Variants in UBE2E2 observed in about 807,000 individuals in gnomAD.
The protein encoded by UBE2E2 is ubiquitin-conjugating enzyme E2 E2.
A neutral mutation model predicts 24.7 loss-of-function variants in UBE2E2; 6 were observed. The ratio of observed to expected loss-of-function variants is 0.24; its 90% confidence interval spans 0.13 to 0.48. The LOEUF (loss-of-function observed/expected upper bound fraction) is 0.48, where lower values mean the gene tolerates loss of function less well. Ranked by LOEUF, UBE2E2 falls within the 20% of genes least tolerant of loss-of-function variation. The pLI, the probability that UBE2E2 is intolerant of heterozygous loss-of-function variation, is 0.99. For synonymous variants in UBE2E2, 104 were observed against 83.6 expected, an observed-to-expected ratio of 1.24 and a Z score of -1.33; for missense variants, 169 against 245.0, an observed-to-expected ratio of 0.69 and a Z score of 2.07.
chr3:23,488,975 A>T (rs191666530), intron 3 of UBE2E2, among the ~76,000 whole-genome samples: 1 of 152,288 alleles, frequency 6.6e-6, no homozygotes, highest in Non-Finnish European at 1.5e-5. Context: ...TGCTCATCTT[A>T]ATCTCTGGTG....
At chr3:23,217,446 G>A in intron 3 of UBE2E2, 134 bp downstream of exon 3, 2 of 800,996 alleles carry the variant, frequency 2.5e-6, no homozygotes, top group Non-Finnish European at 4.1e-6. Flanking sequence ...TTAAGTGACT[G>A]TGGAAGACAA....
chr3:23,462,557 TC>T (rs1322857002), intron 3 of UBE2E2, among the ~76,000 whole-genome samples: 4 of 152,060 alleles, frequency 2.6e-5, no homozygotes, highest in Admixed American at 2.6e-4. Context: ...CTTTCCCTAC[TC>T]CTCTTTGCTA....
At chr3:23,533,864 G>A (rs565467372) in intron 5 of UBE2E2, among the ~76,000 whole-genome samples, 5 of 151,892 alleles carry the variant, frequency 3.3e-5, no homozygotes, top group East Asian at 1.9e-4. Context: ...CTTGTGATCC[G>A]CCCGCTTTGG....
At chr3:23,462,010 A>G (rs1489713029) in intron 3 of UBE2E2, among the ~76,000 whole-genome samples, 3 of 152,142 alleles carry the variant, frequency 2.0e-5, no homozygotes, top group Non-Finnish European at 4.4e-5. Context: ...AGCTAAAGTG[A>G]TTTGTCATAA....
intron 3 of UBE2E2, among the ~76,000 whole-genome samples, chr3:23,255,187 G>A (rs114598661): frequency 9.0e-4 from 130 of 145,012 alleles, no homozygotes; most frequent in African/African-American, 3.2e-3. Context: ...ATGCTCAAGC[G>A]ACCCTCCCAC....
At chr3:23,294,856 A>C (rs186832617) in intron 3 of UBE2E2, among the ~76,000 whole-genome samples, 72 of 123,630 alleles carry the variant, frequency 5.8e-4, no homozygotes, top group African/African-American at 2.0e-3. Context: ...CAGATTTGTT[A>C]TGACCAAAAA....
intron 5 of UBE2E2, among the ~76,000 whole-genome samples, chr3:23,574,109 A>C (rs766703615): frequency 6.6e-6 from 1 of 152,210 alleles, no homozygotes; most frequent in African/African-American, 2.4e-5. Flanking sequence ...GTTAAGTGAA[A>C]TAAGCCAGGC....
intron 3 of UBE2E2, among the ~76,000 whole-genome samples, chr3:23,443,058 TG>T (rs1698342410): frequency 6.6e-6 from 1 of 152,232 alleles, no homozygotes; most frequent in South Asian, 2.1e-4. Flanking sequence ...CTCACCTCTC[TG>T]GCCACACAGC....
At chr3:23,361,330 T>G (rs1696108179) in intron 3 of UBE2E2, among the ~76,000 whole-genome samples, 1 of 152,178 alleles carries the variant, frequency 6.6e-6, no homozygotes, top group African/African-American at 2.4e-5. Context: ...TTACTGGGTA[T>G]CTACCCAAAG....
intron 3 of UBE2E2, among the ~76,000 whole-genome samples, chr3:23,408,116 T>C (rs1697409451): frequency 6.6e-6 from 1 of 152,216 alleles, no homozygotes; most frequent in Admixed American, 6.5e-5. Context: ...AAGCTGTGTC[T>C]AATTCTGTAT....
At position 23,313,386 on chromosome 3, in the gene UBE2E2, C is replaced by CTTTTTT. The variant is rs34208918; in HGVS notation, c.227+96088_227+96093dup. On this transcript the variant is annotated intron_variant, in intron 3 of 5. Coordinates refer to ENST00000396703, the MANE Select transcript of UBE2E2 (RefSeq NM_152653.4). The stretch of plus-strand genomic sequence containing the variant: ...TCTTGTAGGCAATGGATCATTGGGT[C>CTTTTTT]TTTTTTTTTTTTTTTTTTTGAGGGC... 4.0e-4 allele frequency among the ~76,000 whole-genome samples: 45 copies of CTTTTTT among 111,838 alleles called. 5 individuals carry two copies. The highest frequency in any genetic ancestry group is 3.6e-4 in the Non-Finnish European group (21 of 58,512). The allele number at this position is 111,838 out of a possible 152,430, so 73.4% of individuals were successfully genotyped here.
chr3:23,542,866 G>T (rs1003370147), intron 5 of UBE2E2, among the ~76,000 whole-genome samples: 7 of 152,166 alleles, frequency 4.6e-5, no homozygotes, highest in Non-Finnish European at 2.9e-5. Context: ...CAGGGATTTA[G>T]CCTTGGCTTT....
At chr3:23,363,251 G>T (rs550307543) in intron 3 of UBE2E2, among the ~76,000 whole-genome samples, 1 of 152,340 alleles carries the variant, frequency 6.6e-6, no homozygotes, top group South Asian at 2.1e-4. Context: ...TCAAGTCTGT[G>T]TGATAACCAG....
chr3:23,568,588 T>C (rs1472807023), intron 5 of UBE2E2, among the ~76,000 whole-genome samples: 1 of 115,642 alleles, frequency 8.6e-6, no homozygotes, highest in Non-Finnish European at 1.7e-5. Context: ...TATATAATTA[T>C]ATACATATAT....
rs148206971 is a variant in UBE2E2 at position 23,408,225 on chromosome 3, C to A, written c.228-91383C>A. ...ATTTAGAGTTAGGTATATTTATGGCCTCAAGATAAAGTTGTTAGTCTCTTA... is the reference window on the plus strand; with the variant it reads ...ATTTAGAGTTAGGTATATTTATGGCATCAAGATAAAGTTGTTAGTCTCTTA... On this transcript the variant is annotated intron_variant, in intron 3 of 5. Transcript: ENST00000396703. 3.0e-3 allele frequency among the ~76,000 whole-genome samples: 455 copies of A among 152,098 alleles called. 1 individual carries two copies. The highest frequency in any genetic ancestry group is 4.6e-3 in the Non-Finnish European group (311 of 67,984).
At chr3:23,269,847 A>T (rs768008658) in intron 3 of UBE2E2, among the ~76,000 whole-genome samples, 1 of 152,196 alleles carries the variant, frequency 6.6e-6, no homozygotes, top group Non-Finnish European at 1.5e-5. Flanking sequence ...TGCCCAGTAG[A>T]AAAAGGGGAA....
intron 3 of UBE2E2, among the ~76,000 whole-genome samples, chr3:23,486,862 T>G (rs1335699794): frequency 1.3e-5 from 2 of 152,132 alleles, no homozygotes; most frequent in Admixed American, 1.3e-4. Flanking sequence ...TCAATGAAGT[T>G]CTCACTCTAA....
chr3:23,284,258 A>AT (rs1331420531), intron 3 of UBE2E2, among the ~76,000 whole-genome samples: 2 of 152,102 alleles, frequency 1.3e-5, no homozygotes, highest in Admixed American at 6.5e-5. Context: ...TGAAGAGACA[A>AT]TTTTTTACCT....
chr3:23,335,792 C>G (rs558027993), intron 3 of UBE2E2, among the ~76,000 whole-genome samples: 1 of 152,284 alleles, frequency 6.6e-6, no homozygotes, highest in African/African-American at 2.4e-5. Context: ...CTTTGGCCTC[C>G]CAAAGTGCTG....
Sources: allele counts gnomAD v4.1 joint callset (sites outside exome capture counted in the v4.1 genomes callset), GRCh38; gene constraint gnomAD v4.1.1; transcripts MANE v1.5; gene names NCBI Gene and HGNC (gene_info 2026-07-23, HGNC 2026-07-21).